SATL1: variants seen among roughly 807,000 people sequenced by gnomAD.
SATL1 encodes the protein spermidine/spermine N(1)-acetyltransferase-like protein 1.
Under a neutral mutation model 51.8 loss-of-function variants are expected in SATL1, and 47 were observed. That is an observed-to-expected ratio of 0.91 (90% CI 0.72 to 1.16). The LOEUF (loss-of-function observed/expected upper bound fraction) is 1.16. SATL1 is among the 50% of genes most tolerant of loss of function. The pLI is 0.00. For synonymous variants in SATL1, 176 were observed against 182.4 expected (o/e 0.97, Z 0.28); for missense variants, 520 against 526.4 (o/e 0.99, Z 0.12).
At chrX:85,238,159 CA>C (rs1166596411) in intron 1 of SATL1, among the ~76,000 whole-genome samples, 1 of 110,999 alleles carries the variant, frequency 9.0e-6, no homozygotes, top group East Asian at 2.8e-4. Flanking sequence ...GGAGGTTCCT[CA>C]AAAAACTAAA....
chrX:85,109,236 C>T lies in SATL1; in HGVS notation c.-268G>A. 1 of 377,991 alleles carries T rather than the reference C, an allele frequency of 2.6e-6. No individual in the cohort carries two copies. The highest frequency in any genetic ancestry group is 4.6e-6 in the Non-Finnish European group (1 of 217,796). The allele number at this position is 377,991 out of a possible 1,213,427, so 31.2% of individuals were successfully genotyped here. A position where few individuals can be genotyped will look rare whatever the true frequency, so the allele number is the denominator to read the frequency against. ...CTGGAGTTGACTTCACCAGCGACCA[C>T]AGCTGCAAGCTTGGCTGAGTTTCAG... is the stretch of plus-strand genomic sequence containing the variant. On this transcript the variant is annotated 5_prime_UTR_variant, in exon 3 of 8. It adds an upstream start codon to the 5' untranslated region. Transcript: ENST00000644105.
At chrX:85,178,338 C>G (rs1481371882) in intron 2 of SATL1, among the ~76,000 whole-genome samples, 1 of 111,369 alleles carries the variant, frequency 9.0e-6, no homozygotes, top group Non-Finnish European at 1.9e-5. Context: ...TATTTAATGA[C>G]AGATGCTCTC....
At chrX:85,125,839 T>C (rs1262133994) in intron 2 of SATL1, among the ~76,000 whole-genome samples, 1 of 110,396 alleles carries the variant, frequency 9.1e-6, no homozygotes, top group Non-Finnish European at 1.9e-5. Flanking sequence ...AATTTCCACA[T>C]TTAATTCTTT....
chrX:85,151,916 C>G (rs1024503402), intron 2 of SATL1, among the ~76,000 whole-genome samples: 36 of 111,041 alleles, frequency 3.2e-4, no homozygotes, highest in Non-Finnish European at 5.9e-4. Context: ...GCAAGGACTT[C>G]AAGTATAAAA....
chrX:85,095,324 T>C (rs1022447885), intron 4 of SATL1, among the ~76,000 whole-genome samples: 6 of 111,534 alleles, frequency 5.4e-5, no homozygotes, highest in Non-Finnish European at 1.1e-4. Context: ...ATAAACCTCT[T>C]GTCCTCAAAA....
chrX:85,221,871 A>G (rs1384428115), intron 2 of SATL1, among the ~76,000 whole-genome samples: 1 of 112,222 alleles, frequency 8.9e-6, no homozygotes, highest in Non-Finnish European at 1.9e-5. Context: ...AATACAACAC[A>G]AGACCAAGCT....
chrX:85,117,886 A>G (rs964306187), intron 2 of SATL1, among the ~76,000 whole-genome samples: 95 of 109,759 alleles, frequency 8.7e-4, no homozygotes, highest in African/African-American at 3.1e-3. Context: ...TCATCAGCAA[A>G]TTTTCAATTA....
At chrX:85,206,028 T>G (rs899768676) in intron 2 of SATL1, among the ~76,000 whole-genome samples, 2 of 111,309 alleles carry the variant, frequency 1.8e-5, no homozygotes, top group Non-Finnish European at 3.8e-5. Context: ...TTTGAGTAAC[T>G]AGATGGGTAA....
chrX:85,198,076 C>T (rs757485989), intron 2 of SATL1, among the ~76,000 whole-genome samples: 1 of 111,766 alleles, frequency 8.9e-6, no homozygotes, highest in Non-Finnish European at 1.9e-5. Context: ...TAAGTGAGAA[C>T]ATGTAAAATC....
intron 2 of SATL1, among the ~76,000 whole-genome samples, chrX:85,221,992 T>A (rs1057445836): frequency 3.6e-5 from 4 of 112,092 alleles, no homozygotes; most frequent in African/African-American, 1.3e-4. Flanking sequence ...AGAGATTTTG[T>A]CTGTATGCAC....
intron 1 of SATL1, among the ~76,000 whole-genome samples, chrX:85,239,133 TA>T (rs1191586306): frequency 9.1e-6 from 1 of 110,006 alleles, no homozygotes; most frequent in African/African-American, 3.3e-5. Context: ...TAAAATGAAA[TA>T]AAATAAAATA....
intron 1 of SATL1, among the ~76,000 whole-genome samples, chrX:85,226,738 A>G (rs996370256): frequency 6.3e-5 from 7 of 110,394 alleles, no homozygotes; most frequent in Non-Finnish European, 1.1e-4. Context: ...GCTATCCACC[A>G]CTTTTCCTCA....
At chrX:85,126,009 G>C (rs1312861735) in intron 2 of SATL1, among the ~76,000 whole-genome samples, 1 of 110,398 alleles carries the variant, frequency 9.1e-6, no homozygotes, top group Non-Finnish European at 1.9e-5. Flanking sequence ...AAGGATTTCA[G>C]GTCTTTTTCA....
At chrX:85,178,933 G>A (rs965358770) in intron 2 of SATL1, among the ~76,000 whole-genome samples, 3 of 111,536 alleles carry the variant, frequency 2.7e-5, no homozygotes, top group Non-Finnish European at 3.8e-5. Flanking sequence ...CTCTTCAGGA[G>A]ATGCTCTCTG....
intron 2 of SATL1, among the ~76,000 whole-genome samples, chrX:85,143,906 A>C (rs1602864626): frequency 8.9e-6 from 1 of 112,006 alleles, no homozygotes; most frequent in African/African-American, 3.2e-5. Flanking sequence ...CAATGTATTC[A>C]ATACAAATAT....
At chrX:85,197,912 T>C (rs1569245677) in intron 2 of SATL1, among the ~76,000 whole-genome samples, 1 of 110,470 alleles carries the variant, frequency 9.1e-6, no homozygotes, top group South Asian at 3.9e-4. Context: ...GGACACCAAA[T>C]ACTAGATCTT....
At chrX:85,147,767 C>CTGTT (rs1289466110) in intron 2 of SATL1, among the ~76,000 whole-genome samples, 1 of 112,161 alleles carries the variant, frequency 8.9e-6, no homozygotes, top group East Asian at 2.8e-4. Flanking sequence ...AGGGTCCTGT[C>CTGTT]TGTTAGAAGG....
chrX:85,097,827 A>T (rs1260015737), intron 4 of SATL1, among the ~76,000 whole-genome samples: 1 of 112,224 alleles, frequency 8.9e-6, no homozygotes, highest in Non-Finnish European at 1.9e-5. Context: ...AATATCTATA[A>T]AATACACACA....
intron 2 of SATL1, among the ~76,000 whole-genome samples, chrX:85,114,601 A>G (rs1331269948): frequency 8.9e-6 from 1 of 112,552 alleles, no homozygotes; most frequent in African/African-American, 3.2e-5. Flanking sequence ...AGTCAAAGAC[A>G]AAATTGAAAA....
Sources: gnomAD v4.1 joint callset for allele counts (sites outside exome capture counted in the v4.1 genomes callset) on GRCh38, gnomAD v4.1.1 for gene constraint, MANE v1.5 for transcripts, NCBI Gene and HGNC (gene_info 2026-07-23, HGNC 2026-07-21) for gene names.